Variants in CCDC181 observed in about 807,000 individuals in gnomAD.
The protein encoded by CCDC181 is coiled-coil domain containing 181, also known as coiled-coil domain-containing protein 181.
CCDC181 carries 35 observed loss-of-function variants against 58.7 expected under a neutral mutation model. That is an observed-to-expected ratio of 0.60 (90% CI 0.46 to 0.79). The LOEUF (loss-of-function observed/expected upper bound fraction) is 0.79, where lower values mean the gene tolerates loss of function less well. Ranked by LOEUF, CCDC181 falls within the 30% of genes least tolerant of loss-of-function variation. CCDC181 has a pLI of 0.00. For synonymous variants in CCDC181, 183 were observed against 197.5 expected (o/e 0.93, Z 0.62); for missense variants, 517 against 583.9 (o/e 0.89, Z 1.18).
rs57878991 is a variant in CCDC181, at chr1:169,453,524, T to A, written c.-24+6273A>T. Among the ~76,000 whole-genome samples the A allele has an allele frequency of 5.9e-5, 9 of 152,180 alleles. No individual in the cohort carries two copies. The East Asian group carries it at 1.4e-3, about 23-fold the overall frequency. On this transcript the variant is annotated intron_variant, in intron 2 of 6. Coordinates refer to the CCDC181 transcript ENST00000545005. ...AATGACACAGAATCTGCCACTCTAA[T>A]GGGGAGGCCATATTTTTTGGTTTAT...
chr1:169,435,531 C>T (rs1657036066), intron 2 of CCDC181, among the ~76,000 whole-genome samples: 1 of 151,992 alleles, frequency 6.6e-6, no homozygotes, highest in Non-Finnish European at 1.5e-5. Context: ...GTTTAACTAG[C>T]CTGTAGAAGA....
chr1:169,412,722 C>T (rs1468230904), intron 4 of CCDC181, among the ~76,000 whole-genome samples: 1 of 152,104 alleles, frequency 6.6e-6, no homozygotes, highest in Non-Finnish European at 1.5e-5. Context: ...TAATGCCACC[C>T]ATCTACAACC....
At chr1:169,453,752 A>G (rs1345135273) in intron 2 of CCDC181, among the ~76,000 whole-genome samples, 2 of 150,838 alleles carry the variant, frequency 1.3e-5, no homozygotes, top group Admixed American at 1.3e-4. Context: ...TGGCATTAAC[A>G]AAAGGCATTT....
intron 4 of CCDC181, among the ~76,000 whole-genome samples, chr1:169,405,986 G>C (rs1655627571): frequency 6.6e-6 from 1 of 152,144 alleles, no homozygotes; most frequent in African/African-American, 2.4e-5. Context: ...AATGAGTGAA[G>C]GATATGAACA....
intron 5 of CCDC181, among the ~76,000 whole-genome samples, chr1:169,395,432 C>G (rs1222421806): frequency 6.6e-6 from 1 of 152,166 alleles, no homozygotes; most frequent in Non-Finnish European, 1.5e-5. Context: ...GTCTGTCTTA[C>G]AATGAAACTG....
At chr1:169,428,949 T>C (rs980467589), upstream of CCDC181, among the ~76,000 whole-genome samples, 6 of 152,130 alleles carry the variant, frequency 3.9e-5, no homozygotes, top group Non-Finnish European at 8.8e-5. Context: ...CTCATCCTGC[T>C]CCCACCCTTT....
chr1:169,432,031 T>G (rs996142317), upstream of CCDC181, among the ~76,000 whole-genome samples: 3 of 152,082 alleles, frequency 2.0e-5, no homozygotes, highest in Non-Finnish European at 4.4e-5. Flanking sequence ...GAGAAAGGCA[T>G]AAACTCAGAA....
At chr1:169,439,859 C>T (rs1227278339) in intron 2 of CCDC181, among the ~76,000 whole-genome samples, 1 of 152,100 alleles carries the variant, frequency 6.6e-6, no homozygotes, top group Non-Finnish European at 1.5e-5. Flanking sequence ...TGAAGTTCAG[C>T]CATCCCATCT....
chr1:169,416,967 C>A (rs544544699), intron 4 of CCDC181, among the ~76,000 whole-genome samples: 4 of 151,952 alleles, frequency 2.6e-5, no homozygotes, highest in Non-Finnish European at 5.9e-5. Flanking sequence ...ATAATAAAAA[C>A]CAAACTAAAA....
chr1:169,412,385 A>C (rs1316343304), intron 4 of CCDC181, among the ~76,000 whole-genome samples: 1 of 152,220 alleles, frequency 6.6e-6, no homozygotes, highest in Admixed American at 6.5e-5. Context: ...TGACACAAAC[A>C]AATGGAAAAA....
chr1:169,423,313 G>A (rs1346583165), intron 2 of CCDC181, among the ~76,000 whole-genome samples: 1 of 151,858 alleles, frequency 6.6e-6, no homozygotes, highest in African/African-American at 2.4e-5. Flanking sequence ...TATCACAAGT[G>A]TTCATTTTAG....
upstream of CCDC181, among the ~76,000 whole-genome samples, chr1:169,428,384 G>A (rs1656802902): frequency 6.6e-6 from 1 of 152,144 alleles, no homozygotes; most frequent in Non-Finnish European, 1.5e-5. Flanking sequence ...TGGATGTAGA[G>A]TTGTAGAGTT....
At chr1:169,408,874 C>T (rs1312154544) in intron 4 of CCDC181, among the ~76,000 whole-genome samples, 2 of 152,170 alleles carry the variant, frequency 1.3e-5, no homozygotes, top group Non-Finnish European at 2.9e-5. Context: ...ACAAAAACCC[C>T]ATCCAAAGGT....
chr1:169,424,789 G>T, intron 2 of CCDC181, 22 bp downstream of exon 2: 1 of 1,191,606 alleles, frequency 8.4e-7, no homozygotes, highest in Non-Finnish European at 1.2e-6. Flanking sequence ...TAATTATTAT[G>T]AATGCTGTTG....
intron 4 of CCDC181, among the ~76,000 whole-genome samples, chr1:169,414,553 T>C (rs1656127960): frequency 6.6e-6 from 1 of 152,180 alleles, no homozygotes; most frequent in African/African-American, 2.4e-5. Context: ...AGATAGACTA[T>C]ATACATACAT....
At chr1:169,429,986 G>A (rs1490227441), upstream of CCDC181, among the ~76,000 whole-genome samples, 1 of 152,114 alleles carries the variant, frequency 6.6e-6, no homozygotes, top group Non-Finnish European at 1.5e-5. Context: ...TTTGTATAAG[G>A]TGAGAGATGA....
intron 2 of CCDC181, among the ~76,000 whole-genome samples, chr1:169,446,359 G>A (rs907886464): frequency 6.6e-6 from 1 of 152,082 alleles, no homozygotes; most frequent in Non-Finnish European, 1.5e-5. Context: ...CAGGAGAACT[G>A]CTTGAACCCA....
rs528748946 is a variant in CCDC181 at position 169,444,699 on chromosome 1, A to G, written c.-24+15098T>C. 4.9e-4 allele frequency among the ~76,000 whole-genome samples: 74 copies of G among 152,240 alleles called. 1 individual carries two copies. The South Asian group carries it at 0.015, about 31-fold the overall frequency. ...GAATACCGCATGTCTTGTAGTGACA[A>G]TCCAAAAGCAGTGGTGGCTACATAT... On this transcript the variant is annotated intron_variant, in intron 2 of 6. Transcript: ENST00000545005.
chr1:169,433,700 A>G (rs1656977828), intron 2 of CCDC181, among the ~76,000 whole-genome samples: 1 of 152,076 alleles, frequency 6.6e-6, no homozygotes, highest in African/African-American at 2.4e-5. Context: ...ATCTTTCAAC[A>G]AATGGTTCTG....
Sources: gnomAD v4.1 joint callset for allele counts (sites outside exome capture counted in the v4.1 genomes callset) on GRCh38, gnomAD v4.1.1 for gene constraint, MANE v1.5 for transcripts, NCBI Gene and HGNC (gene_info 2026-07-23, HGNC 2026-07-21) for gene names.